The following COL24A1 variants were observed in gnomAD, a reference collection of about 807,000 sequenced individuals.
COL24A1 encodes the protein collagen alpha-1(XXIV) chain.
A neutral mutation model predicts 253.9 loss-of-function variants in COL24A1; 224 were observed. The ratio of observed to expected loss-of-function variants is 0.88; its 90% CI spans 0.79 to 0.99. The LOEUF (loss-of-function observed/expected upper bound fraction) is 0.99, where lower values mean the gene tolerates loss of function less well. COL24A1 is among the 50% of genes least tolerant of loss of function. COL24A1 has a pLI of 0.00. For missense variants in COL24A1, 2,131 were observed against 2,068.5 expected (o/e 1.03, Z -0.59); for synonymous variants, 685 against 673.7 (o/e 1.02, Z -0.26).
chr1:85,731,305 G>C (rs1334938440), intron 59 of COL24A1, among the ~76,000 whole-genome samples: 1 of 152,004 alleles, frequency 6.6e-6, no homozygotes. Context: ...GATTCAACCA[G>C]ACACAATAGA....
At chr1:85,998,907 T>A (rs1695131756) in intron 19 of COL24A1, among the ~76,000 whole-genome samples, 1 of 152,296 alleles carries the variant, frequency 6.6e-6, no homozygotes, top group South Asian at 2.1e-4. Flanking sequence ...CTCTGGAAAG[T>A]GCTTTTGCCA....
chr1:85,853,310 T>C (rs994171539), intron 37 of COL24A1, among the ~76,000 whole-genome samples: 5 of 152,266 alleles, frequency 3.3e-5, no homozygotes, highest in Admixed American at 2.6e-4. Flanking sequence ...TTGTTCTTTT[T>C]CTATGGCTGC....
intron 19 of COL24A1, among the ~76,000 whole-genome samples, chr1:85,991,686 T>C (rs1408946075): frequency 6.6e-6 from 1 of 152,154 alleles, no homozygotes; most frequent in African/African-American, 2.4e-5. Context: ...CTCTGCTCCT[T>C]AAAACGTCAT....
chr1:85,835,957 T>G (rs11161687), intron 43 of COL24A1, among the ~76,000 whole-genome samples: 1 of 151,984 alleles, frequency 6.6e-6, no homozygotes. Context: ...ATGCAGGTCA[T>G]AAGACACATG....
intron 8 of COL24A1, among the ~76,000 whole-genome samples, chr1:86,062,052 T>G (rs1701131456): frequency 6.6e-6 from 1 of 152,088 alleles, no homozygotes; most frequent in African/African-American, 2.4e-5. Context: ...CGTAGAAATA[T>G]ATTTAAAAGT....
At chr1:85,892,452 A>C (rs1683229186) in intron 31 of COL24A1, among the ~76,000 whole-genome samples, 1 of 152,080 alleles carries the variant, frequency 6.6e-6, no homozygotes, top group South Asian at 2.1e-4. Context: ...AGCAGACTTT[A>C]CTACAAGAAA....
At chr1:86,058,520 A>G (rs962862196) in intron 9 of COL24A1, among the ~76,000 whole-genome samples, 19 of 151,516 alleles carry the variant, frequency 1.3e-4, no homozygotes, top group African/African-American at 4.3e-4. Context: ...AATAAAAAAG[A>G]TAAATGTAAC....
chr1:86,111,099 C>T (rs113465477), intron 5 of COL24A1, among the ~76,000 whole-genome samples: 22,159 of 150,180 alleles, frequency 0.15, 1,791 homozygotes, highest in South Asian at 0.24. Flanking sequence ...TCCGGGTTTG[C>T]GGATGCACCA....
intron 2 of COL24A1, among the ~76,000 whole-genome samples, chr1:86,143,334 T>C (rs768595313): frequency 2.6e-5 from 4 of 152,200 alleles, no homozygotes; most frequent in Non-Finnish European, 4.4e-5. Context: ...ATCAAATTTC[T>C]GGAGTACTTG....
intron 59 of COL24A1, 39 bp downstream of exon 59, chr1:85,734,710 T>A (rs756138516): frequency 2.0e-6 from 3 of 1,526,630 alleles, no homozygotes; most frequent in Non-Finnish European, 2.7e-6. Flanking sequence ...AATTTTAAGT[T>A]AGTTATATTG....
intron 20 of COL24A1, among the ~76,000 whole-genome samples, chr1:85,973,592 A>AT (rs1692385456): frequency 1.3e-5 from 2 of 152,208 alleles, no homozygotes; most frequent in African/African-American, 4.8e-5. Flanking sequence ...CTAAGAACAT[A>AT]CAATATTAAG....
At chr1:86,092,441 A>G in intron 5 of COL24A1, 121 bp from the exon 6 acceptor site, 1 of 641,144 alleles carries the variant, frequency 1.6e-6, no homozygotes. Flanking sequence ...AAATAATTTT[A>G]CATTGAGATA....
At chr1:85,763,825 A>G (rs567723316) in intron 53 of COL24A1, among the ~76,000 whole-genome samples, 1 of 152,232 alleles carries the variant, frequency 6.6e-6, no homozygotes, top group Non-Finnish European at 1.5e-5. Flanking sequence ...GGGGAACCAA[A>G]TTACTCTGAA....
Position 86,063,768 on chromosome 1 carries a change from G to C in COL24A1, c.1708-9C>G. ...GGATGTCCTTTGAGACCCTGTAAAA[G>C]AATAAGTGGAGACATGCTATGAAAA... On this transcript the variant is annotated splice_polypyrimidine_tract_variant and intron_variant, in intron 7 of 59. Coordinates refer to ENST00000370571, the MANE Select transcript of COL24A1 (RefSeq NM_152890.7). 6.6e-7 allele frequency: 1 copy of C among 1,526,448 alleles called. No homozygotes were observed. The highest frequency in any genetic ancestry group is 1.3e-5 in the South Asian group (1 of 74,302). The allele number at this position is 1,526,448 out of a possible 1,614,324, so 94.6% of individuals were successfully genotyped here.
At chr1:85,838,514 T>C in intron 43 of COL24A1, 71 bp downstream of exon 43, 1 of 1,345,556 alleles carries the variant, frequency 7.4e-7, no homozygotes, top group Non-Finnish European at 1.1e-6. Flanking sequence ...AATAATGGAA[T>C]GGAAAAAATG....
At chr1:86,078,783 C>T (rs1418728830) in intron 7 of COL24A1, among the ~76,000 whole-genome samples, 1 of 151,994 alleles carries the variant, frequency 6.6e-6, no homozygotes. Context: ...AACTATAAAA[C>T]ACTGATGAAA....
intron 39 of COL24A1, among the ~76,000 whole-genome samples, chr1:85,845,686 C>T (rs976895866): frequency 6.6e-6 from 1 of 151,610 alleles, no homozygotes; most frequent in Non-Finnish European, 1.5e-5. Flanking sequence ...ACCAACAGCA[C>T]CACTAAGTTG....
At chr1:85,775,848 A>G (rs934341371) in intron 52 of COL24A1, 139 bp from the exon 53 acceptor site, 1 of 646,686 alleles carries the variant, frequency 1.5e-6, no homozygotes. Context: ...GTTAAATTGT[A>G]TAAGTTCTAG....
At chr1:86,036,212 C>T (rs1422297598) in intron 12 of COL24A1, among the ~76,000 whole-genome samples, 5 of 151,914 alleles carry the variant, frequency 3.3e-5, no homozygotes, top group Non-Finnish European at 5.9e-5. Context: ...TTCTCAAACT[C>T]CCAGCTTCAA....
Sources: allele counts gnomAD v4.1 joint callset (sites outside exome capture counted in the v4.1 genomes callset), GRCh38; gene constraint gnomAD v4.1.1; transcripts MANE v1.5; gene names NCBI Gene and HGNC (gene_info 2026-07-23, HGNC 2026-07-21).